MATR3: variants seen among roughly 807,000 people sequenced by gnomAD.
MATR3 encodes matrin 3.
MATR3 carries 4 observed loss-of-function variants against 85.5 expected under a neutral mutation model. The ratio of observed to expected loss-of-function variants is 0.05; its 90% CI spans 0.02 to 0.11. The LOEUF (loss-of-function observed/expected upper bound fraction) is 0.11, where lower values mean the gene tolerates loss of function less well. MATR3 is among the 10% of genes least tolerant of loss of function. MATR3 has a pLI of 1.00. For synonymous variants in MATR3, 336 were observed against 343.1 expected (o/e 0.98, Z 0.23); for missense variants, 685 against 1,016.1 (o/e 0.67, Z 4.43).
At chr5:139,290,438 C>CTTTTTTTTT (rs762364450), upstream of MATR3, among the ~76,000 whole-genome samples, 1,009 of 44,966 alleles carry the variant, frequency 0.022, 339 homozygotes, top group African/African-American at 0.061. Context: ...CCTGGCCGCT[C>CTTTTTTTTT]TTTTTTTTTT....
chr5:139,306,645 G>T lies in MATR3; in HGVS notation c.-177-594G>T, dbSNP rs1754720691. Among the ~76,000 whole-genome samples the T allele has an allele frequency of 7.2e-5, 11 of 152,170 alleles. No homozygotes were observed. In the South Asian group the frequency reaches 2.3e-3, roughly 32 times the overall value. ...AGCAATCCTTAAAACTATAGGAAATGACTTATTTTTCTTATTCACATCTAT... is the reference window on the plus strand; with the variant it reads ...AGCAATCCTTAAAACTATAGGAAATTACTTATTTTTCTTATTCACATCTAT... On this transcript the variant is annotated intron_variant, in intron 1 of 14. Transcript: ENST00000394805.
At chr5:139,318,294 C>T (rs1755358797) in intron 7 of MATR3, among the ~76,000 whole-genome samples, 1 of 152,064 alleles carries the variant, frequency 6.6e-6, no homozygotes, top group African/African-American at 2.4e-5. Context: ...CTATCATGCT[C>T]AGCTGATTTT....
chr5:139,313,111 T>G (rs1239419307), intron 2 of MATR3: 1 of 151,688 alleles, frequency 6.6e-6, no homozygotes, highest in Non-Finnish European at 1.5e-5. Flanking sequence ...ATTTGGTACC[T>G]TGGTACCTTA....
chr5:139,306,401 C>A (rs944140570), intron 1 of MATR3, among the ~76,000 whole-genome samples: 5 of 151,948 alleles, frequency 3.3e-5, no homozygotes, highest in African/African-American at 9.7e-5. Flanking sequence ...GTGCTGTAGC[C>A]CTGAGCATTA....
chr5:139,287,874 G>C (rs1035574566), intron 3 of MATR3, among the ~76,000 whole-genome samples: 1 of 152,092 alleles, frequency 6.6e-6, no homozygotes, highest in Non-Finnish European at 1.5e-5. Context: ...CATCATTGTA[G>C]AATGTCCTTC....
At chr5:139,310,074 G>C (rs1209222425) in intron 2 of MATR3, 1 of 152,148 alleles carries the variant, frequency 6.6e-6, no homozygotes, top group Non-Finnish European at 1.5e-5. Context: ...TTCGAGAAAA[G>C]TTTCTGTTTT....
intron 2 of MATR3, chr5:139,312,773 T>A (rs1359088424): frequency 6.6e-6 from 1 of 152,196 alleles, no homozygotes; most frequent in African/African-American, 2.4e-5. Flanking sequence ...TGCCTTAGCC[T>A]CCCAAGTAGC....
chr5:139,293,839 T>C, intron 1 of MATR3, 34 bp downstream of exon 1: 1 of 459,924 alleles, frequency 2.2e-6, no homozygotes, highest in Non-Finnish European at 3.5e-6. Context: ...CGGGGTCGGG[T>C]GGCTGGGGGT....
intron 1 of MATR3, among the ~76,000 whole-genome samples, chr5:139,303,046 TTG>T (rs1754531929): frequency 6.6e-6 from 1 of 151,218 alleles, no homozygotes; most frequent in Non-Finnish European, 1.5e-5. Context: ...CTCAAATTAG[TTG>T]TTTTTTTTTT....
chr5:139,325,335 G>GA (rs1305795922), intron 12 of MATR3, 105 bp from the exon 13 acceptor site: 1 of 1,580,476 alleles, frequency 6.3e-7, no homozygotes, highest in South Asian at 1.2e-5. Context: ...TGTCACTCTA[G>GA]ATGAGGTTGG....
intron 3 of MATR3, 115 bp downstream of exon 3, chr5:139,314,851 G>C: frequency 1.1e-6 from 1 of 870,274 alleles, no homozygotes; most frequent in Non-Finnish European, 1.9e-6. Context: ...ATCACATAGT[G>C]GTACTGTATG....
intron 14 of MATR3, among the ~76,000 whole-genome samples, chr5:139,328,758 T>A (rs1036667993): frequency 2.0e-5 from 3 of 152,194 alleles, no homozygotes; most frequent in Non-Finnish European, 2.9e-5. Context: ...TCCCAGCACT[T>A]TGGGAGGCGG....
intron 12 of MATR3, among the ~76,000 whole-genome samples, chr5:139,324,941 T>TA (rs965088109): frequency 1.3e-5 from 2 of 151,942 alleles, no homozygotes; most frequent in African/African-American, 4.8e-5. Flanking sequence ...CCTGTAATCC[T>TA]AGCACTTTGG....
chr5:139,291,427 A>G (rs1753865840), upstream of MATR3, among the ~76,000 whole-genome samples: 1 of 152,276 alleles, frequency 6.6e-6, no homozygotes, highest in Admixed American at 6.5e-5. Context: ...TAGGTACTCA[A>G]GAAATATTTC....
chr5:139,314,748 A>G lies in MATR3; in HGVS notation c.974+12A>G. On this transcript the variant is annotated intron_variant, in intron 3 of 14. Transcript: ENST00000394805. The stretch of plus-strand genomic sequence containing the variant: ...CTTCTTCTTGAAATGTAGGAGTTTG[A>G]AATACCTTTAAAACATCCTTATCGT... The G allele has an allele frequency of 6.2e-7, 1 of 1,610,362 alleles. No homozygotes were observed. The highest frequency in any genetic ancestry group is 2.2e-5 in the East Asian group (1 of 44,808).
At chr5:139,291,445 A>G (rs572462468), upstream of MATR3, among the ~76,000 whole-genome samples, 64 of 152,312 alleles carry the variant, frequency 4.2e-4, no homozygotes, top group Non-Finnish European at 7.4e-4. Context: ...TTCTTGTATC[A>G]CTGACTAAAT....
At chr5:139,285,383 T>C (rs1030372195) in intron 3 of MATR3, 3 of 152,244 alleles carry the variant, frequency 2.0e-5, no homozygotes, top group African/African-American at 7.2e-5. Flanking sequence ...AATGCCACAT[T>C]CTAATCCCTA....
chr5:139,297,930 G>A (rs570021113), intron 1 of MATR3, among the ~76,000 whole-genome samples: 2 of 152,204 alleles, frequency 1.3e-5, no homozygotes, highest in African/African-American at 4.8e-5. Context: ...AACAAGAGGG[G>A]AGCTTGCCTG....
At chr5:139,296,826 A>G (rs541857479) in intron 1 of MATR3, among the ~76,000 whole-genome samples, 2 of 152,340 alleles carry the variant, frequency 1.3e-5, no homozygotes, top group South Asian at 2.1e-4. Flanking sequence ...TTGATTTTAT[A>G]TATCTCCTTT....
Sources: allele counts gnomAD v4.1 joint callset (sites outside exome capture counted in the v4.1 genomes callset), GRCh38; gene constraint gnomAD v4.1.1; transcripts MANE v1.5; gene names NCBI Gene and HGNC (gene_info 2026-07-23, HGNC 2026-07-21).